The following TMEFF1 variants were observed in gnomAD, a reference collection of about 807,000 sequenced individuals.
The protein encoded by TMEFF1 is tomoregulin-1.
Under a neutral mutation model 47.5 loss-of-function variants are expected in TMEFF1, and 20 were observed. That is an observed-to-expected ratio of 0.42 (90% CI 0.30 to 0.61). The LOEUF is 0.61. Ranked by LOEUF, TMEFF1 falls within the 20% of genes least tolerant of loss-of-function variation. The pLI is 0.19. For synonymous variants in TMEFF1, 162 were observed against 166.3 expected (o/e 0.97, Z 0.20); for missense variants, 411 against 471.1 (o/e 0.87, Z 1.18).
chr9:100,506,746 G>A (rs1319721814), intron 2 of TMEFF1, among the ~76,000 whole-genome samples: 1 of 124,442 alleles, frequency 8.0e-6, no homozygotes, highest in Non-Finnish European at 1.6e-5. Context: ...CAGCCTAGGC[G>A]ACAGAGCGAG....
At chr9:100,527,421 C>T (rs1168012838) in intron 5 of TMEFF1, among the ~76,000 whole-genome samples, 1 of 152,214 alleles carries the variant, frequency 6.6e-6, no homozygotes, top group Non-Finnish European at 1.5e-5. Context: ...GGCATTGCCT[C>T]ACTCGGGAAG....
At chr9:100,483,616 C>G (rs973066738) in intron 1 of TMEFF1, among the ~76,000 whole-genome samples, 1 of 152,130 alleles carries the variant, frequency 6.6e-6, no homozygotes, top group African/African-American at 2.4e-5. Flanking sequence ...TTCTCAGTCT[C>G]CATGTTATAT....
intron 5 of TMEFF1, among the ~76,000 whole-genome samples, chr9:100,538,990 C>T (rs1298152739): frequency 2.0e-5 from 3 of 152,166 alleles, no homozygotes; most frequent in South Asian, 2.1e-4. Flanking sequence ...TCGCAACCTC[C>T]ACCTCCCAGG....
intron 2 of TMEFF1, among the ~76,000 whole-genome samples, chr9:100,499,884 T>C (rs549978240): frequency 6.6e-6 from 1 of 152,352 alleles, no homozygotes; most frequent in East Asian, 1.9e-4. Flanking sequence ...AGGAAGGGTA[T>C]GTAGGTATAC....
intron 1 of TMEFF1, among the ~76,000 whole-genome samples, chr9:100,490,869 G>GTGTGTA (rs1034797679): frequency 1.5e-5 from 2 of 135,176 alleles, no homozygotes; most frequent in Admixed American, 7.4e-5. Flanking sequence ...GTGTGTGTGT[G>GTGTGTA]TGTATGTGTG....
intron 3 of TMEFF1, among the ~76,000 whole-genome samples, chr9:100,510,979 C>G (rs1326709034): frequency 6.6e-6 from 1 of 152,116 alleles, no homozygotes; most frequent in Non-Finnish European, 1.5e-5. Flanking sequence ...GTGGTCAGCA[C>G]CCTCCCTTAA....
intron 5 of TMEFF1, among the ~76,000 whole-genome samples, chr9:100,542,102 C>T (rs544606143): frequency 3.3e-5 from 5 of 150,348 alleles, no homozygotes; most frequent in African/African-American, 4.9e-5. Flanking sequence ...TTTCTTTTTC[C>T]TTTCTTGCCT....
intron 2 of TMEFF1, among the ~76,000 whole-genome samples, chr9:100,507,813 T>A (rs1013589777): frequency 6.6e-6 from 1 of 152,224 alleles, no homozygotes; most frequent in African/African-American, 2.4e-5. Flanking sequence ...GATATTAAGA[T>A]TTTTAGGTTA....
At chr9:100,516,804 T>G (rs1410964118) in intron 5 of TMEFF1, 33 bp downstream of exon 5, 2 of 1,605,078 alleles carry the variant, frequency 1.2e-6, no homozygotes, top group Non-Finnish European at 1.7e-6. Flanking sequence ...ACAAAGTTAT[T>G]TAGAGATTAA....
intron 5 of TMEFF1, among the ~76,000 whole-genome samples, chr9:100,540,376 C>T (rs1045105652): frequency 2.6e-5 from 4 of 152,264 alleles, no homozygotes; most frequent in African/African-American, 9.6e-5. Context: ...CCGGCTTCAC[C>T]TCTCAATGGC....
chr9:100,538,210 G>T (rs1306877995), intron 5 of TMEFF1, among the ~76,000 whole-genome samples: 1 of 152,048 alleles, frequency 6.6e-6, no homozygotes, highest in Non-Finnish European at 1.5e-5. Context: ...CTGCCACCAC[G>T]CCCGGCTAAT....
intron 1 of TMEFF1, among the ~76,000 whole-genome samples, chr9:100,483,759 C>T (rs1004652804): frequency 6.6e-6 from 1 of 151,618 alleles, no homozygotes; most frequent in Non-Finnish European, 1.5e-5. Flanking sequence ...TGTGTATCTA[C>T]TCTTTCTCTC....
At position 100,569,226 on chromosome 9, in the gene TMEFF1, T is replaced by C. The variant is rs539209033; in HGVS notation, c.900-3292T>C. Among the ~76,000 whole-genome samples, 15 of 152,312 alleles carry C rather than the reference T, an allele frequency of 9.8e-5. No homozygotes were observed. The East Asian group carries it at 2.7e-3, about 27-fold the overall frequency. On this transcript the variant is annotated intron_variant, in intron 8 of 9. Coordinates refer to ENST00000374879, the MANE Select transcript of TMEFF1 (RefSeq NM_003692.5). ...ACAACACTTGTAATTATCTGACTTT[T>C]TGATTTAGGCTATCGTAGTAACTGT...
intron 5 of TMEFF1, among the ~76,000 whole-genome samples, chr9:100,541,734 A>G (rs1027408843): frequency 2.6e-5 from 4 of 152,174 alleles, no homozygotes; most frequent in African/African-American, 9.6e-5. Flanking sequence ...TTTTGAGACT[A>G]TCTTAAAATG....
intron 1 of TMEFF1, among the ~76,000 whole-genome samples, chr9:100,484,218 T>A (rs965585416): frequency 1.3e-5 from 2 of 152,216 alleles, no homozygotes; most frequent in South Asian, 2.1e-4. Context: ...ATATCTGTGC[T>A]ACCCTCCATC....
Position 100,509,143 on chromosome 9 carries a change from G to A in TMEFF1, c.436+9G>A, listed in dbSNP as rs766175915. 6.7e-7 allele frequency: 1 copy of A among 1,490,158 alleles called. No homozygotes were observed. The highest frequency in any genetic ancestry group is 2.5e-5 in the Admixed American group (1 of 39,644). The allele number at this position is 1,490,158 out of a possible 1,614,324, so 92.3% of individuals were successfully genotyped here. A position where few individuals can be genotyped will look rare whatever the true frequency, so the allele number is the denominator to read the frequency against. On this transcript the variant is annotated intron_variant, in intron 3 of 9. Coordinates refer to ENST00000374879, the MANE Select transcript of TMEFF1 (RefSeq NM_003692.5). Reference sequence around the variant, plus strand: ...AGGACCATGCTACTCTGGTATGTATGATATTCTTCTGAATAAATTTTGGAA... The same window carrying A: ...AGGACCATGCTACTCTGGTATGTATAATATTCTTCTGAATAAATTTTGGAA...
intron 5 of TMEFF1, among the ~76,000 whole-genome samples, chr9:100,528,106 A>G (rs1440935873): frequency 6.6e-6 from 1 of 151,456 alleles, no homozygotes; most frequent in East Asian, 1.9e-4. Flanking sequence ...ACCATCATCA[A>G]AGACCAAAAG....
chr9:100,494,350 C>T (rs1183893434), intron 1 of TMEFF1, among the ~76,000 whole-genome samples: 1 of 151,844 alleles, frequency 6.6e-6, no homozygotes, highest in African/African-American at 2.4e-5. Context: ...ATTAAATTTA[C>T]ACACAATCAT....
Position 100,564,939 on chromosome 9 carries a change from T to C in TMEFF1, c.899+3419T>C, listed in dbSNP as rs550863382. 9.2e-5 allele frequency among the ~76,000 whole-genome samples: 14 copies of C among 152,084 alleles called. 1 individual carries two copies. In the South Asian group the frequency reaches 2.9e-3, roughly 32 times the overall value. ...GGATATGAGCACGAGAACCTGGGGA[T>C]TGGTGGAGGTTAGTGGGATTAAGAG... On this transcript the variant is annotated intron_variant, in intron 8 of 9. Transcript: ENST00000374879.
Sources: allele counts gnomAD v4.1 joint callset (sites outside exome capture counted in the v4.1 genomes callset), GRCh38; gene constraint gnomAD v4.1.1; transcripts MANE v1.5; gene names NCBI Gene and HGNC (gene_info 2026-07-23, HGNC 2026-07-21).